Variants in MECOM observed in about 807,000 individuals in gnomAD.
MECOM encodes the protein histone-lysine N-methyltransferase MECOM.
Under a neutral mutation model 116.3 loss-of-function variants are expected in MECOM, and 13 were observed. That is an observed-to-expected ratio of 0.11 (90% confidence interval 0.07 to 0.18). The LOEUF (loss-of-function observed/expected upper bound fraction) is 0.18, where lower values mean the gene tolerates loss of function less well. MECOM is among the 10% of genes least tolerant of loss of function. The pLI is 1.00. For synonymous variants in MECOM, 528 were observed against 535.2 expected, an observed-to-expected ratio of 0.99 and a Z score of 0.19; for missense variants, 1,299 against 1,509.0, an observed-to-expected ratio of 0.86 and a Z score of 2.31.
At chr3:169,617,357 A>T (rs1429251787) in intron 1 of MECOM, among the ~76,000 whole-genome samples, 2 of 152,230 alleles carry the variant, frequency 1.3e-5, no homozygotes, top group African/African-American at 4.8e-5. Flanking sequence ...CCTGACTTCA[A>T]TGTTTACATA....
chr3:169,212,897 C>T (rs898980060), intron 2 of MECOM, among the ~76,000 whole-genome samples: 1 of 151,288 alleles, frequency 6.6e-6, no homozygotes, highest in Non-Finnish European at 1.5e-5. Flanking sequence ...ACCAGCTCCT[C>T]CTATCATTCA....
intron 2 of MECOM, among the ~76,000 whole-genome samples, chr3:169,225,755 A>G (rs1752650550): frequency 6.6e-6 from 1 of 151,992 alleles, no homozygotes; most frequent in South Asian, 2.1e-4. Flanking sequence ...GACTACAGGC[A>G]TGCACCACCA....
intron 4 of MECOM, among the ~76,000 whole-genome samples, 189 bp from the exon 5 acceptor site, chr3:169,128,249 C>A (rs1289075725): frequency 1.3e-5 from 2 of 152,312 alleles, no homozygotes; most frequent in Non-Finnish European, 2.9e-5. Context: ...ATAACATAAG[C>A]AATGGCTGTG....
intron 1 of MECOM, among the ~76,000 whole-genome samples, chr3:169,612,357 G>C (rs1247495545): frequency 6.6e-6 from 1 of 152,152 alleles, no homozygotes; most frequent in East Asian, 1.9e-4. Context: ...TGACATTGCT[G>C]AGATTTTACA....
chr3:169,584,361 A>T (rs6444863), intron 1 of MECOM, among the ~76,000 whole-genome samples: 1,576 of 150,968 alleles, frequency 0.01, 19 homozygotes, highest in Admixed American at 0.012. Flanking sequence ...GTCTGGAGAT[A>T]GAGACCATCT....
intron 2 of MECOM, among the ~76,000 whole-genome samples, chr3:169,224,436 G>A (rs976242825): frequency 6.6e-6 from 1 of 152,126 alleles, no homozygotes; most frequent in South Asian, 2.1e-4. Context: ...GGCTTGAGGG[G>A]GATGCCATGG....
At chr3:169,207,997 A>G (rs1158904781) in intron 2 of MECOM, among the ~76,000 whole-genome samples, 1 of 152,098 alleles carries the variant, frequency 6.6e-6, no homozygotes, top group African/African-American at 2.4e-5. Flanking sequence ...AACTTAACTT[A>G]TGTTATCTTT....
intron 1 of MECOM, among the ~76,000 whole-genome samples, chr3:169,484,689 A>C (rs1161015109): frequency 6.6e-6 from 1 of 152,248 alleles, no homozygotes; most frequent in Non-Finnish European, 1.5e-5. Context: ...TAATAATTAA[A>C]TATTAACAAC....
intron 2 of MECOM, among the ~76,000 whole-genome samples, chr3:169,152,572 A>C (rs993022581): frequency 2.6e-5 from 4 of 152,066 alleles, no homozygotes; most frequent in African/African-American, 9.7e-5. Flanking sequence ...ATTACTTTTG[A>C]TTATTTTCAT....
chr3:169,203,325 GA>G (rs1305824538), intron 2 of MECOM, among the ~76,000 whole-genome samples: 3 of 152,064 alleles, frequency 2.0e-5, no homozygotes, highest in Non-Finnish European at 4.4e-5. Flanking sequence ...TACCACAGTG[GA>G]AAGAACGTGG....
At chr3:169,317,385 GA>G (rs951078307) in intron 2 of MECOM, among the ~76,000 whole-genome samples, 5 of 150,618 alleles carry the variant, frequency 3.3e-5, no homozygotes, top group Non-Finnish European at 5.9e-5. Flanking sequence ...TAATATCCTT[GA>G]AAAAAAAATC....
chr3:169,095,781 T>C (rs1721255007), intron 12 of MECOM, among the ~76,000 whole-genome samples: 3 of 152,138 alleles, frequency 2.0e-5, no homozygotes, highest in African/African-American at 7.2e-5. Context: ...ATGTAAATAA[T>C]TTAGTCTGAT....
At chr3:169,432,060 A>G (rs568860702) in intron 1 of MECOM, among the ~76,000 whole-genome samples, 241 of 152,124 alleles carry the variant, frequency 1.6e-3, no homozygotes, top group Non-Finnish European at 2.9e-3. Flanking sequence ...ACTGTAGGCC[A>G]GAGAGACAAC....
intron 1 of MECOM, among the ~76,000 whole-genome samples, chr3:169,484,371 AG>A (rs922346483): frequency 1.3e-5 from 2 of 151,510 alleles, no homozygotes; most frequent in Admixed American, 1.3e-4. Flanking sequence ...GGAAGGTAAA[AG>A]GTAACAAACT....
At chr3:169,303,064 C>A (rs996747947) in intron 2 of MECOM, among the ~76,000 whole-genome samples, 1 of 152,046 alleles carries the variant, frequency 6.6e-6, no homozygotes, top group African/African-American at 2.4e-5. Context: ...CTTTCTAAGA[C>A]AATGATCACC....
At chr3:169,138,228 C>T (rs1288916197) in intron 3 of MECOM, among the ~76,000 whole-genome samples, 2 of 151,956 alleles carry the variant, frequency 1.3e-5, no homozygotes, top group Non-Finnish European at 2.9e-5. Flanking sequence ...GAATGAAAGG[C>T]GATATATACA....
At chr3:169,207,255 G>C (rs1559992596) in intron 2 of MECOM, among the ~76,000 whole-genome samples, 1 of 152,178 alleles carries the variant, frequency 6.6e-6, no homozygotes, top group Non-Finnish European at 1.5e-5. Context: ...GGCGTTCCAG[G>C]TTAAGAATAG....
chr3:169,135,553 T>C (rs1042002762), intron 3 of MECOM, among the ~76,000 whole-genome samples: 7 of 151,944 alleles, frequency 4.6e-5, no homozygotes, highest in African/African-American at 1.7e-4. Context: ...ATAAATATTT[T>C]AAAACCGTGT....
At chr3:169,114,690 T>A (rs1728564424) in intron 8 of MECOM, among the ~76,000 whole-genome samples, 1 of 152,132 alleles carries the variant, frequency 6.6e-6, no homozygotes, top group Admixed American at 6.5e-5. Flanking sequence ...AAACTAGTAT[T>A]TTAAAACTAA....
Sources: allele counts gnomAD v4.1 joint callset (sites outside exome capture counted in the v4.1 genomes callset), GRCh38; gene constraint gnomAD v4.1.1; transcripts MANE v1.5; gene names NCBI Gene and HGNC (gene_info 2026-07-23, HGNC 2026-07-21).